SPTB: variants seen among roughly 807,000 people sequenced by gnomAD.
The protein encoded by SPTB is spectrin beta, erythrocytic.
In SPTB, 45 loss-of-function variants were observed where a neutral mutation model predicts 256.2. That is an observed-to-expected ratio of 0.18 (90% confidence interval 0.14 to 0.23). The LOEUF (loss-of-function observed/expected upper bound fraction) is 0.23, where lower values mean the gene tolerates loss of function less well. SPTB is among the 10% of genes least tolerant of loss of function. The pLI, the probability that SPTB is intolerant of heterozygous loss-of-function variation, is 1.00. For synonymous variants in SPTB, 1,231 were observed against 1,243.1 expected, an observed-to-expected ratio of 0.99 and a Z score of 0.21; for missense variants, 2,715 against 3,040.4, an observed-to-expected ratio of 0.89 and a Z score of 2.52.
chr14:64,809,415 G>A lies in SPTB; in HGVS notation c.149-4325C>T, dbSNP rs185831917. ...GGCTGGAGTGCAGTGGTGTGATCTCGGCTCACTGCAACCTCCGCCTCCCGA... is the reference window on the plus strand; with the variant it reads ...GGCTGGAGTGCAGTGGTGTGATCTCAGCTCACTGCAACCTCCGCCTCCCGA... On this transcript the variant is annotated intron_variant, in intron 2 of 35. Transcript: ENST00000644917. 6.7e-5 allele frequency among the ~76,000 whole-genome samples: 10 copies of A among 149,492 alleles called. No homozygotes were observed. In the East Asian group the frequency reaches 1.3e-3, roughly 19 times the overall value.
intron 24 of SPTB, 35 bp downstream of exon 24, chr14:64,774,362 T>C (rs1177768905): frequency 2.5e-6 from 4 of 1,572,630 alleles, no homozygotes; most frequent in Non-Finnish European, 3.5e-6. Context: ...TCAATCCCCA[T>C]CTCCTGACCG....
At position 64,824,686 on chromosome 14, in the gene SPTB, C is replaced by A. The variant is rs2083349842; in HGVS notation, c.-51-1541G>T. 6.6e-6 allele frequency among the ~76,000 whole-genome samples: 1 copy of A among 152,014 alleles called. No individual in the cohort carries two copies. Among genetic ancestry groups the A allele is most frequent in the East Asian group, 1.9e-4 (1 of 5,174 alleles). On this transcript the variant is annotated intron_variant, in intron 1 of 35. Coordinates refer to ENST00000644917, the MANE Select transcript of SPTB (RefSeq NM_001355436.2). This position sits in a 1 kb window ranked among gnomAD's most constrained non-coding sequence, Gnocchi z 5.7. The stretch of plus-strand genomic sequence containing the variant: ...TGTGGGTGTGTGCACCCACGGCACA[C>A]ACACAGGCTCATATCTGACACACTG...
rs151112486 is a variant in SPTB at position 64,786,949 on chromosome 14, C to T, written c.3016G>A (p.Ala1006Thr). The change falls in exon 16 of 36, where the codon GCC becomes ACC. Residue 1006 changes from alanine to threonine, a missense_variant. Physicochemically the swap from Ala to Thr is moderately conservative, Grantham distance 58. Transcript: ENST00000644917. This position sits in a 1 kb window ranked among gnomAD's most constrained non-coding sequence, Gnocchi z 5.6. ...AGGGCATCCACACGGGCCTGGATGGCGGCCACGTCACGCTCCAGCCCTGAC... is the reference window on the plus strand; with the variant it reads ...AGGGCATCCACACGGGCCTGGATGGTGGCCACGTCACGCTCCAGCCCTGAC... The part of the protein sequence containing the change: ...KLSGLERDVA[A>T]IQARVDALER... 1,005 of 1,613,644 alleles carry T rather than the reference C, an allele frequency of 6.2e-4. No individual in the cohort carries two copies. Among genetic ancestry groups the T allele is most frequent in the Non-Finnish European group, 6.9e-4 (817 of 1,180,036 alleles).
At position 64,799,610 on chromosome 14, in the gene SPTB, G is replaced by A. The variant is rs1204063335; in HGVS notation, c.1064+137C>T. On this transcript the variant is annotated intron_variant, in intron 9 of 35. Coordinates refer to ENST00000644917, the MANE Select transcript of SPTB (RefSeq NM_001355436.2). The stretch of plus-strand genomic sequence containing the variant: ...AGTGGTGAAGAGGGGCACAAGGCAG[G>A]TGACACACATACAGCTCTCTAATCT... 2.7e-5 allele frequency: 28 copies of A among 1,025,488 alleles called. No homozygotes were observed. The South Asian group carries it at 3.5e-4, about 13-fold the overall frequency. 63.5% of individuals were successfully genotyped at this position (1,025,488 alleles called of 1,614,324 possible). A position where few individuals can be genotyped will look rare whatever the true frequency, so the allele number is the denominator to read the frequency against.
intron 29 of SPTB, chr14:64,768,083 C>A: frequency 1.6e-6 from 1 of 607,068 alleles, no homozygotes; most frequent in South Asian, 1.8e-5. Flanking sequence ...AATCTGTCAC[C>A]CAGGCTGGAG....
In SPTB at chr14:64,767,858, C is replaced by T; in HGVS notation, c.6024G>A (p.Leu2008=). The change falls in exon 30 of 36, where the codon TTG becomes TTA. Residue 2008 remains leucine, a splice_region_variant and synonymous_variant. Coordinates refer to ENST00000644917, the MANE Select transcript of SPTB (RefSeq NM_001355436.2). ...CCCTCGAGAACTGGCACACCTCCAG[C>T]ACTGCCAGGGGGAACAGGACACAGA... is the stretch of plus-strand genomic sequence containing the variant. The part of the protein sequence containing the change: ...WEARWERLRM[L]LEVCQFSRDA... 6.2e-7 allele frequency: 1 copy of T among 1,613,776 alleles called. No individual in the cohort carries two copies. The highest frequency in any genetic ancestry group is 8.5e-7 in the Non-Finnish European group (1 of 1,179,918).
In SPTB at chr14:64,803,741, C is replaced by A; in HGVS notation, c.340G>T (p.Glu114Ter). ...AACTGGAGAGCCTTGTCCACATTCT[C>A]CAGGCAGTGGATGCGCATCTTCCCC... ...TKGKMRIHCL[E>*]NVDKALQFLK... Residue 114 changes from glutamate to a stop codon, truncating the protein, a stop_gained, in exon 4 of 36, where the codon GAG (glutamate) becomes TAG (stop). Transcript: ENST00000644917. LOFTEE classifies it high-confidence loss of function. The A allele has an allele frequency of 6.2e-7, 1 of 1,613,948 alleles. No individual in the cohort carries two copies.
chr14:64,878,085 C>T (rs4902327), intron 1 of SPTB, among the ~76,000 whole-genome samples: 128,727 of 152,236 alleles, frequency 0.85, 55,221 homozygotes, highest in Non-Finnish European at 0.91. Context: ...AACTCAAGAT[C>T]AATAGGACTG....
Position 64,759,016 on chromosome 14 carries a change from C to G in SPTB, c.6346-5223G>C, listed in dbSNP as rs556222536. Among the ~76,000 whole-genome samples, 2 of 152,212 alleles carry G rather than the reference C, an allele frequency of 1.3e-5. No individual in the cohort carries two copies. Among genetic ancestry groups the G allele is most frequent in the South Asian group, 4.1e-4 (2 of 4,824 alleles). ...TGAAGCTGATGTGAGAAAAGAGATT[C>G]TCAGAATTCTAGAGCTGGAAAGAGG... On this transcript the variant is annotated intron_variant, in intron 32 of 35. Transcript: ENST00000644917. This position sits in a 1 kb window ranked among gnomAD's most constrained non-coding sequence, Gnocchi z 4.8.
In SPTB at chr14:64,806,209, A is replaced by AAGAT. The variant is rs1247239725; in HGVS notation, c.149-1123_149-1120dup. ...GTAGCAGAAAAGAAGAAAAACAAAT[A>AAGAT]AGATAGAATTGAAGGTGAGAAGAGA... On this transcript the variant is annotated intron_variant, in intron 2 of 35. Transcript: ENST00000644917. This position sits in a 1 kb window ranked among gnomAD's most constrained non-coding sequence, Gnocchi z 4.1. Among the ~76,000 whole-genome samples the AAGAT allele has an allele frequency of 1.3e-5, 2 of 152,186 alleles. No individual in the cohort carries two copies. The highest frequency in any genetic ancestry group is 4.8e-5 in the African/African-American group (2 of 41,434).
Position 64,812,497 on chromosome 14 carries a change from C to T in SPTB, c.149-7407G>A, listed in dbSNP as rs186742329. ...CTCTACCTCCTCGACACCCACACAG[C>T]TACTTCTGAGGTTCTGCCCTCTGAA... is the stretch of plus-strand genomic sequence containing the variant. On this transcript the variant is annotated intron_variant, in intron 2 of 35. Transcript: ENST00000644917. Among the ~76,000 whole-genome samples, 3 of 152,304 alleles carry T rather than the reference C, an allele frequency of 2.0e-5. No homozygotes were observed. The East Asian group carries it at 5.8e-4, about 29-fold the overall frequency.
intron 1 of SPTB, among the ~76,000 whole-genome samples, chr14:64,858,013 GTAT>G (rs2083900124): frequency 6.6e-6 from 1 of 152,166 alleles, no homozygotes; most frequent in Non-Finnish European, 1.5e-5. Context: ...TGCAAGGTGG[GTAT>G]TATTTATTCT....
intron 1 of SPTB, among the ~76,000 whole-genome samples, chr14:64,876,104 A>G (rs1200063917): frequency 6.6e-6 from 1 of 152,164 alleles, no homozygotes; most frequent in Non-Finnish European, 1.5e-5. Flanking sequence ...AACTGGGATT[A>G]TAGGCATAAG....
chr14:64,829,060 T>A lies in SPTB; in HGVS notation c.-51-5915A>T, dbSNP rs112743664. Among the ~76,000 whole-genome samples the A allele has an allele frequency of 2.0e-3, 305 of 152,284 alleles. 1 individual carries two copies. Among genetic ancestry groups the A allele is most frequent in the African/African-American group, 6.9e-3 (287 of 41,572 alleles). ...AACTGAACTCACTGATCAATCTTAG[T>A]ATCACCAAGAACAGGACAATTAGAC... On this transcript the variant is annotated intron_variant, in intron 1 of 35. Transcript: ENST00000644917.
In SPTB at chr14:64,823,433, T is replaced by A. The variant is rs541161211; in HGVS notation, c.-51-288A>T. ...ACGTCAGTCGCAGCCAGCTGCTTCC[T>A]CCAGACCAGCCGCCCCGCCGCGGGG... On this transcript the variant is annotated intron_variant, in intron 1 of 35. Transcript: ENST00000644917. The surrounding 1 kb of genome is among the most constrained non-coding windows in gnomAD (Gnocchi z 6.5). Among the ~76,000 whole-genome samples, 14 of 152,168 alleles carry A rather than the reference T, an allele frequency of 9.2e-5. No individual in the cohort carries two copies. Among genetic ancestry groups the A allele is most frequent in the Non-Finnish European group, 1.5e-4 (10 of 67,976 alleles).
chr14:64,782,280 A>C lies in SPTB; in HGVS notation c.4266+10T>G. On this transcript the variant is annotated intron_variant, in intron 20 of 35. Transcript: ENST00000644917. ...TCCTAACACTCTGAGTCTACAACCC[A>C]CTCACGTGCCTTCAGCTTAGCCAAC... The C allele has an allele frequency of 6.2e-7, 1 of 1,614,102 alleles. No homozygotes were observed. Among genetic ancestry groups the C allele is most frequent in the Non-Finnish European group, 8.5e-7 (1 of 1,180,024 alleles).
At position 64,784,038 on chromosome 14, in the gene SPTB, A is replaced by G. The variant is rs229635; in HGVS notation, c.4002+209T>C. The stretch of plus-strand genomic sequence containing the variant: ...CCTGGGCTGTCCCCAGATTCAGGTG[A>G]CCCAGAAGAGGCACTGATTCTGACC... On this transcript the variant is annotated intron_variant, in intron 19 of 35. Transcript: ENST00000644917. 0.39 allele frequency among the ~76,000 whole-genome samples: 59,137 copies of G among 152,100 alleles called. 13,228 individuals carry two copies. The highest frequency in any genetic ancestry group is 0.62 in the African/African-American group (25,763 of 41,468).
rs767963051 is a variant in SPTB at position 64,760,333 on chromosome 14, T to TGAAG, written c.6345+6389_6345+6392dup. On this transcript the variant is annotated intron_variant, in intron 32 of 35. Transcript: ENST00000644917. The surrounding 1 kb of genome is among the most constrained non-coding windows in gnomAD (Gnocchi z 4.3). The stretch of plus-strand genomic sequence containing the variant: ...AATGTCTTCTCCGGGCCAAAGGAGG[T>TGAAG]GAAGGTGTATGTCCAGGCTCAACCA... Among the ~76,000 whole-genome samples the TGAAG allele has an allele frequency of 6.6e-6, 1 of 151,356 alleles. No homozygotes were observed. The highest frequency in any genetic ancestry group is 6.6e-5 in the Admixed American group (1 of 15,202).
Position 64,823,976 on chromosome 14 carries a change from A to C in SPTB, c.-51-831T>G, listed in dbSNP as rs1268344378. On this transcript the variant is annotated intron_variant, in intron 1 of 35. Transcript: ENST00000644917. This position sits in a 1 kb window ranked among gnomAD's most constrained non-coding sequence, Gnocchi z 6.5. ...CATCAGGAGCACTGGGTCCTCCCTC[A>C]CCCGTCATCAGTCATTCCTACTCAC... Among the ~76,000 whole-genome samples, 1 of 152,108 alleles carries C rather than the reference A, an allele frequency of 6.6e-6. No individual in the cohort carries two copies. Among genetic ancestry groups the C allele is most frequent in the Non-Finnish European group, 1.5e-5 (1 of 68,010 alleles).
Sources: gnomAD v4.1 joint callset for allele counts (sites outside exome capture counted in the v4.1 genomes callset) on GRCh38, gnomAD v4.1.1 for gene constraint, Gnocchi (gnomAD v3.1) non-coding constraint, MANE v1.5 for transcripts, NCBI Gene and HGNC (gene_info 2026-07-23, HGNC 2026-07-21) for gene names.